Variants in POLR3E observed in about 807,000 individuals in gnomAD.
The protein encoded by POLR3E is RNA polymerase III subunit E.
In POLR3E, 41 loss-of-function variants were observed where a neutral mutation model predicts 96.6. The ratio of observed to expected loss-of-function variants is 0.42; its 90% CI spans 0.33 to 0.55. The LOEUF (loss-of-function observed/expected upper bound fraction) is 0.55, where lower values mean the gene tolerates loss of function less well. POLR3E is among the 20% of genes least tolerant of loss of function. POLR3E has a pLI of 0.06. For missense variants in POLR3E, 849 were observed against 952.1 expected, an observed-to-expected ratio of 0.89 and a Z score of 1.43; for synonymous variants, 396 against 383.6, an observed-to-expected ratio of 1.03 and a Z score of -0.38.
chr16:22,323,079 C>T (rs774322270), intron 14 of POLR3E, 148 bp downstream of exon 14: 59 of 606,098 alleles, frequency 9.7e-5, no homozygotes, highest in Non-Finnish European at 1.6e-4. Context: ...TCTCCTCCTT[C>T]CTCTCAGAAG....
chr16:22,303,893 T>C (rs1045916478), intron 2 of POLR3E, among the ~76,000 whole-genome samples: 4 of 147,978 alleles, frequency 2.7e-5, no homozygotes, highest in Admixed American at 6.8e-5. Context: ...CTCACCGCAG[T>C]CTCTGCCTCT....
rs532710055 is a variant in POLR3E, at chr16:22,322,790, G to A, written c.987-60G>A. 9.2e-6 allele frequency: 11 copies of A among 1,198,896 alleles called. No individual in the cohort carries two copies. The highest frequency in any genetic ancestry group is 1.4e-5 in the Non-Finnish European group (11 of 811,312). 74.3% of individuals were successfully genotyped at this position (1,198,896 alleles called of 1,614,324 possible). On this transcript the variant is annotated intron_variant, in intron 13 of 20. Coordinates refer to ENST00000299853, the MANE Select transcript of POLR3E (RefSeq NM_018119.4). The surrounding 1 kb of genome is among the most constrained non-coding windows in gnomAD (Gnocchi z 5.2). Reference sequence around the variant, plus strand: ...CATGGACTGGGGCTTGGCCGGGAGGGGTAGCGGTAGAGGGGGCTCAGGGCA... The same window carrying A: ...CATGGACTGGGGCTTGGCCGGGAGGAGTAGCGGTAGAGGGGGCTCAGGGCA...
chr16:22,314,031 A>G (rs1280933478), intron 7 of POLR3E, 48 bp from the exon 8 acceptor site: 4 of 1,531,492 alleles, frequency 2.6e-6, no homozygotes, highest in Non-Finnish European at 3.6e-6. Context: ...GAGAGAAGGG[A>G]GGTGGAGGCT....
chr16:22,309,360 G>T, intron 5 of POLR3E, 68 bp from the exon 6 acceptor site: 9 of 1,152,674 alleles, frequency 7.8e-6, no homozygotes, highest in Non-Finnish European at 1.2e-5. Flanking sequence ...GGGGTGGGGT[G>T]CGCTGTGGCC....
chr16:22,313,970 C>G lies in POLR3E; in HGVS notation c.473-109C>G, dbSNP rs561323223. The G allele has an allele frequency of 6.2e-6, 6 of 967,650 alleles. No individual in the cohort carries two copies. The African/African-American group carries it at 6.4e-5, about 10-fold the overall frequency. The allele number at this position is 967,650 out of a possible 1,614,324, so 59.9% of individuals were successfully genotyped here. A position where few individuals can be genotyped will look rare whatever the true frequency, so the allele number is the denominator to read the frequency against. ...CCACTGGCTTAGGCAGCTCCCTCTG[C>G]GAGGAGAACTCCCAGCACCCCGGCC... On this transcript the variant is annotated intron_variant, in intron 7 of 20. Coordinates refer to ENST00000299853, the MANE Select transcript of POLR3E (RefSeq NM_018119.4). This position sits in a 1 kb window ranked among gnomAD's most constrained non-coding sequence, Gnocchi z 4.1.
chr16:22,331,887 G>A (rs1374907574), intron 19 of POLR3E, 173 bp from the exon 20 acceptor site: 1 of 609,634 alleles, frequency 1.6e-6, no homozygotes, highest in Admixed American at 3.0e-5. Flanking sequence ...TCTGTACACT[G>A]TCTTGCTGGG....
At chr16:22,309,766 G>C (rs2048208304) in intron 6 of POLR3E, 1 of 557,534 alleles carries the variant, frequency 1.8e-6, no homozygotes, top group Admixed American at 3.1e-5. Context: ...CCGGGACACA[G>C]ATACATACAA....
At chr16:22,324,795 G>A (rs995433223) in intron 16 of POLR3E, 135 bp downstream of exon 16, 23 of 966,320 alleles carry the variant, frequency 2.4e-5, no homozygotes, top group African/African-American at 9.6e-5. Flanking sequence ...CTGGATCTGG[G>A]TGTGAAGGGC....
rs1477791225 is a variant in POLR3E, at chr16:22,334,192, T to C, written c.*492T>C. On this transcript the variant is annotated 3_prime_UTR_variant, in exon 21 of 21. Transcript: ENST00000299853. ...CCTCCACCAATTTCATTAAACCAAA[T>C]TGAATTATTCTATTCTTGGGATTCT... The C allele has an allele frequency of 6.5e-6, 1 of 152,766 alleles. No individual in the cohort carries two copies. Among genetic ancestry groups the C allele is most frequent in the Non-Finnish European group, 1.5e-5 (1 of 68,424 alleles). The allele number at this position is 152,766 out of a possible 1,614,324, so 9.5% of individuals were successfully genotyped here. A position where few individuals can be genotyped will look rare whatever the true frequency, so the allele number is the denominator to read the frequency against.
intron 20 of POLR3E, among the ~76,000 whole-genome samples, chr16:22,332,959 T>C (rs964191128): frequency 6.9e-6 from 1 of 144,508 alleles, no homozygotes; most frequent in African/African-American, 2.6e-5. Flanking sequence ...CTGTATTTCG[T>C]AGACCCCCTT....
chr16:22,308,828 G>A, intron 4 of POLR3E, 97 bp from the exon 5 acceptor site: 1 of 749,358 alleles, frequency 1.3e-6, no homozygotes, highest in East Asian at 2.6e-5. Flanking sequence ...TCCGGGCAGG[G>A]TCCTGGTTAG....
Position 22,324,567 on chromosome 16 carries a change from G to T in POLR3E, c.1193G>T (p.Trp398Leu). The change falls in exon 16 of 21, where the codon TGG becomes TTG. Residue 398 changes from tryptophan to leucine, a missense_variant. Trp to Leu is a moderately conservative substitution (Grantham distance 61). Coordinates refer to ENST00000299853, the MANE Select transcript of POLR3E (RefSeq NM_018119.4). The stretch of plus-strand genomic sequence containing the variant: ...GCCGTGGTGAGGATCAACAAAGGCT[G>T]GGAGTTCATTCTGCCTTATGATGGG... ...HMAVVRINKG[W>L]EFILPYDGEF... 3 of 1,613,330 alleles carry T rather than the reference G, an allele frequency of 1.9e-6. No homozygotes were observed. Among genetic ancestry groups the T allele is most frequent in the South Asian group, 2.2e-5 (2 of 91,046 alleles).
chr16:22,311,339 A>G (rs1326917267), intron 6 of POLR3E, among the ~76,000 whole-genome samples: 3 of 145,296 alleles, frequency 2.1e-5, no homozygotes, highest in Non-Finnish European at 4.5e-5. Flanking sequence ...AGTCTACAGT[A>G]GCGTGTAGTA....
intron 18 of POLR3E, 29 bp downstream of exon 18, chr16:22,326,307 T>C: frequency 4.0e-6 from 1 of 247,634 alleles, no homozygotes; most frequent in Non-Finnish European, 8.0e-6. Flanking sequence ...GCCAGGGGCA[T>C]GGGGGGTGGG....
At chr16:22,306,791 C>A (rs2048141545) in intron 3 of POLR3E, among the ~76,000 whole-genome samples, 1 of 152,252 alleles carries the variant, frequency 6.6e-6, no homozygotes, top group African/African-American at 2.4e-5. Context: ...CACTGCTGGG[C>A]TGCTCTGCCC....
In POLR3E at chr16:22,322,360, T is replaced by C. The variant is rs891620292; in HGVS notation, c.987-490T>C. Among the ~76,000 whole-genome samples the C allele has an allele frequency of 3.3e-5, 5 of 152,128 alleles. No individual in the cohort carries two copies. The highest frequency in any genetic ancestry group is 7.4e-5 in the Non-Finnish European group (5 of 68,018). On this transcript the variant is annotated intron_variant, in intron 13 of 20. Transcript: ENST00000299853. The surrounding 1 kb of genome is among the most constrained non-coding windows in gnomAD (Gnocchi z 5.2). ...CCTCTGAAGTTCCCTGAACCTTGAG[T>C]GCTGAGCCTGTTCTCTCCGAGGGCT...
chr16:22,332,519 A>G (rs2048761952), intron 20 of POLR3E, among the ~76,000 whole-genome samples: 1 of 152,120 alleles, frequency 6.6e-6, no homozygotes, highest in African/African-American at 2.4e-5. Context: ...TAGAGACAGA[A>G]ACTAAAAACC....
rs761135847 is a variant in POLR3E at position 22,316,643 on chromosome 16, G to T, written c.685G>T (p.Gly229Cys). 6 of 1,614,084 alleles carry T rather than the reference G, an allele frequency of 3.7e-6. No homozygotes were observed. In the East Asian group the frequency reaches 1.3e-4, roughly 36 times the overall value. The change falls in exon 10 of 21, where the codon GGC becomes TGC. Residue 229 changes from glycine (G) to cysteine (C), a missense_variant. Coordinates refer to ENST00000299853, the MANE Select transcript of POLR3E (RefSeq NM_018119.4). ...TGAGCGTCAGTACCTGCTGTGCCCC[G>T]GCTCAAGCGGGGTGGAGAACACGGA... is the stretch of plus-strand genomic sequence containing the variant. ...EHERQYLLCP[G>C]SSGVENTELV...
intron 13 of POLR3E, among the ~76,000 whole-genome samples, chr16:22,321,337 A>G (rs889326501): frequency 7.2e-5 from 11 of 152,262 alleles, no homozygotes; most frequent in African/African-American, 2.7e-4. Context: ...GAAATGTTGA[A>G]CATTTTAAGA....
Sources: gnomAD v4.1 joint callset for allele counts (sites outside exome capture counted in the v4.1 genomes callset) on GRCh38, gnomAD v4.1.1 for gene constraint, Gnocchi (gnomAD v3.1) non-coding constraint, MANE v1.5 for transcripts, NCBI Gene and HGNC (gene_info 2026-07-23, HGNC 2026-07-21) for gene names.